The following DNAH7 variants were observed in gnomAD, a reference collection of about 807,000 sequenced individuals.
The protein encoded by DNAH7 is dynein axonemal heavy chain 7.
In DNAH7, 397 loss-of-function variants were observed where a neutral mutation model predicts 444.6. The ratio of observed to expected loss-of-function variants is 0.89; its 90% CI spans 0.82 to 0.97. The LOEUF is 0.97. DNAH7 is among the 50% of genes least tolerant of loss of function. DNAH7 has a pLI of 0.00. For missense variants in DNAH7, 4,902 were observed against 4,800.8 expected, an observed-to-expected ratio of 1.02 and a Z score of -0.62; for synonymous variants, 1,636 against 1,624.4, an observed-to-expected ratio of 1.01 and a Z score of -0.17.
chr2:195,804,710 G>A (rs568486472), intron 54 of DNAH7, among the ~76,000 whole-genome samples: 1 of 152,318 alleles, frequency 6.6e-6, no homozygotes, highest in Non-Finnish European at 1.5e-5. Flanking sequence ...GCAGTTAAAT[G>A]CTTCTGCTCT....
intron 41 of DNAH7, among the ~76,000 whole-genome samples, chr2:195,862,668 GACTTC>G (rs1281751514): frequency 6.6e-6 from 1 of 152,072 alleles, no homozygotes; most frequent in African/African-American, 2.4e-5. Context: ...CTAGACACTT[GACTTC>G]ACTAGTTTAT....
At chr2:195,962,228 A>G (rs1183104738) in intron 17 of DNAH7, among the ~76,000 whole-genome samples, 1 of 152,222 alleles carries the variant, frequency 6.6e-6, no homozygotes, top group Non-Finnish European at 1.5e-5. Flanking sequence ...AAGTAGGTGT[A>G]TATACTTATG....
At chr2:195,924,581 G>A (rs1022557681) in intron 22 of DNAH7, among the ~76,000 whole-genome samples, 14 of 150,364 alleles carry the variant, frequency 9.3e-5, no homozygotes, top group East Asian at 3.9e-4. Flanking sequence ...GTGACAGAGC[G>A]AGACTCCATC....
chr2:195,991,353 A>G (rs774747884), intron 12 of DNAH7, among the ~76,000 whole-genome samples: 57 of 151,646 alleles, frequency 3.8e-4, no homozygotes, highest in Non-Finnish European at 6.5e-4. Flanking sequence ...TCATACAGAT[A>G]AGTTGTCATG....
intron 8 of DNAH7, among the ~76,000 whole-genome samples, chr2:196,021,890 G>A (rs538654964): frequency 1.4e-4 from 21 of 152,300 alleles, no homozygotes; most frequent in African/African-American, 5.1e-4. Flanking sequence ...ACTGTGGGAG[G>A]CTGAGGCAGG....
At chr2:195,861,994 G>A (rs780770804) in intron 41 of DNAH7, 48 bp from the exon 42 acceptor site, 1 of 1,431,170 alleles carries the variant, frequency 7.0e-7, no homozygotes, top group Admixed American at 1.7e-5. Flanking sequence ...TTACGAATCT[G>A]GATCTGCTAC....
intron 49 of DNAH7, among the ~76,000 whole-genome samples, chr2:195,823,650 C>T (rs974116610): frequency 2.0e-5 from 3 of 152,146 alleles, no homozygotes; most frequent in African/African-American, 7.2e-5. Context: ...CATTCACTCA[C>T]TCCACAAACA....
At chr2:195,775,811 G>C in intron 60 of DNAH7, 35 bp downstream of exon 60, 1 of 1,597,828 alleles carries the variant, frequency 6.3e-7, no homozygotes, top group South Asian at 1.1e-5. Flanking sequence ...ATCCTTCCCA[G>C]GCCTCAGAAT....
At position 195,870,145 on chromosome 2, in the gene DNAH7, A is replaced by G. The variant is rs748467187; in HGVS notation, c.6633+2105T>C. 7.5e-4 allele frequency among the ~76,000 whole-genome samples: 115 copies of G among 152,338 alleles called. 1 individual carries two copies. Among genetic ancestry groups the G allele is most frequent in the Middle Eastern group, 3.4e-3 (1 of 294 alleles). Reference sequence around the variant, plus strand: ...TCTTTATGCACTCATTCATTCACCAATATTTATTGAGTGTTTTCTGTGTGC... The same window carrying G: ...TCTTTATGCACTCATTCATTCACCAGTATTTATTGAGTGTTTTCTGTGTGC... On this transcript the variant is annotated intron_variant, in intron 40 of 64. Coordinates refer to ENST00000312428, the MANE Select transcript of DNAH7 (RefSeq NM_018897.3).
intron 18 of DNAH7, 146 bp downstream of exon 18, chr2:195,960,114 G>A (rs1331542824): frequency 1.5e-6 from 1 of 670,398 alleles, no homozygotes; most frequent in African/African-American, 1.8e-5. Flanking sequence ...GAAATGCTAA[G>A]TATGAAATGC....
intron 48 of DNAH7, among the ~76,000 whole-genome samples, chr2:195,831,925 ATACCTCACT>A (rs1377532571): frequency 6.6e-6 from 1 of 152,202 alleles, no homozygotes; most frequent in Non-Finnish European, 1.5e-5. Context: ...ACATTCTCTA[ATACCTCACT>A]TACCTTGTTA....
rs142650281 is a variant in DNAH7 at position 195,798,519 on chromosome 2, AG to A, written c.10353+776del. 0.018 allele frequency among the ~76,000 whole-genome samples: 2,788 copies of A among 151,362 alleles called. 222 individuals carry two copies. The East Asian group carries it at 0.26, about 14-fold the overall frequency. On this transcript the variant is annotated intron_variant, in intron 55 of 64. Transcript: ENST00000312428. ...TCATTTGAATTAATTTTTAAAGACA[AG>A]GCATGTAAATAGTAGAATTTTTTTT...
intron 54 of DNAH7, 64 bp from the exon 55 acceptor site, chr2:195,799,536 T>C (rs182608887): frequency 7.2e-7 from 1 of 1,395,030 alleles, no homozygotes; most frequent in East Asian, 2.5e-5. Context: ...ATTAAAAATT[T>C]AGATTCAAAG....
At chr2:195,934,439 A>G (rs1574815337) in intron 21 of DNAH7, 152 bp downstream of exon 21, 2 of 820,822 alleles carry the variant, frequency 2.4e-6, no homozygotes, top group Non-Finnish European at 3.8e-6. Flanking sequence ...ATCATAGAAC[A>G]TCTCTTTGCC....
rs1276482352 is a variant in DNAH7 at position 195,984,687 on chromosome 2, A to C, written c.1778T>G (p.Ile593Arg). Residue 593 changes from isoleucine (I) to arginine (R), a missense_variant, in exon 15 of 65, where the codon ATA becomes AGA. Coordinates refer to ENST00000312428, the MANE Select transcript of DNAH7 (RefSeq NM_018897.3). ...AGGAGTGCTAAGAGCTTTTTCAGCT[A>C]TCCTCTCAAATTCATCGCATAATCT... ...NTRLCDEFER[I>R]AEKALSTPPN... is the part of the protein sequence containing the mutation. 2 of 1,613,824 alleles carry C rather than the reference A, an allele frequency of 1.2e-6. No individual in the cohort carries two copies. Among genetic ancestry groups the C allele is most frequent in the Non-Finnish European group, 1.7e-6 (2 of 1,179,946 alleles).
At position 195,900,362 on chromosome 2, in the gene DNAH7, C is replaced by A. The variant is rs760673302; in HGVS notation, c.4468G>T (p.Glu1490Ter). Residue 1490 changes from glutamate (E) to a stop codon, truncating the protein, a stop_gained, in exon 28 of 65, where the codon GAG becomes TAG. Transcript: ENST00000312428. LOFTEE classifies it high-confidence loss of function. ...KIVATYRLCS[E>*]QLSSQHHYDY... is the part of the protein sequence containing the mutation. ...TAGTGATGTTGAGATGACAGCTGCT[C>A]TGAACACAAGCGATACGTAGCCACA... The A allele has an allele frequency of 6.2e-7, 1 of 1,614,000 alleles. No individual in the cohort carries two copies. Among genetic ancestry groups the A allele is most frequent in the South Asian group, 1.1e-5 (1 of 91,070 alleles).
Position 195,872,279 on chromosome 2 carries a change from C to T in DNAH7, c.6604G>A (p.Glu2202Lys), listed in dbSNP as rs751130801. ...TGAACCCAAAGACGTTTAATCACTT[C>T]TGTGGTTTCTGTTGTTTCTGGTCTT... ...LSRPETTETTEVIKRLWVHEV... is the reference protein window; with the variant it reads ...LSRPETTETTKVIKRLWVHEV... The change falls in exon 40 of 65, where the codon GAA becomes AAA. Residue 2202 changes from glutamate to lysine, a missense_variant. By Grantham distance (56) the Glu-to-Lys change is moderately conservative. Coordinates refer to ENST00000312428, the MANE Select transcript of DNAH7 (RefSeq NM_018897.3). 3 of 1,613,828 alleles carry T rather than the reference C, an allele frequency of 1.9e-6. No homozygotes were observed. The highest frequency in any genetic ancestry group is 1.1e-5 in the South Asian group (1 of 91,050).
chr2:196,067,153 C>A (rs867490996), intron 1 of DNAH7, among the ~76,000 whole-genome samples: 9 of 152,208 alleles, frequency 5.9e-5, no homozygotes, highest in African/African-American at 2.2e-4. Context: ...AACTTAACGG[C>A]TGGTGGGTTT....
rs769769745 is a variant in DNAH7 at position 195,861,825 on chromosome 2, T to C, written c.7628A>G (p.Asp2543Gly). ...TTCAACAAAGAAAGATTTGGATAAA[T>C]CTATAGTAGAAGTGTGGAAGCTTTT... ...MCKSFHTSTI[D>G]LSKSFFVELQ... The change falls in exon 42 of 65, where the codon GAT becomes GGT. Residue 2543 changes from aspartate to glycine, a missense_variant. Transcript: ENST00000312428. 1.7e-5 allele frequency: 28 copies of C among 1,613,606 alleles called. No homozygotes were observed. In the African/African-American group the frequency reaches 3.2e-4, roughly 18 times the overall value.
Sources: allele counts gnomAD v4.1 joint callset (sites outside exome capture counted in the v4.1 genomes callset), GRCh38; gene constraint gnomAD v4.1.1; transcripts MANE v1.5; gene names NCBI Gene and HGNC (gene_info 2026-07-23, HGNC 2026-07-21).